The following WDR87 variants were observed in gnomAD, a reference collection of about 807,000 sequenced individuals.
WDR87 encodes the protein WD repeat-containing protein 87.
A neutral mutation model predicts 83.3 loss-of-function variants in WDR87; 56 were observed. That is an observed-to-expected ratio of 0.67 (90% CI 0.54 to 0.84). WDR87 has a LOEUF of 0.84. WDR87 is among the 40% of genes least tolerant of loss of function. WDR87 has a pLI of 0.00. For synonymous variants in WDR87, 1,173 were observed against 1,250.6 expected, an observed-to-expected ratio of 0.94 and a Z score of 1.31; for missense variants, 2,939 against 3,431.9, an observed-to-expected ratio of 0.86 and a Z score of 3.59.
chr19:37,892,624 A>G lies in WDR87; in HGVS notation c.3079T>C (p.Ser1027Pro). The change falls in exon 4 of 6, where the codon TCA becomes CCA. Residue 1027 changes from serine to proline, a missense_variant. Around this residue, in one of 3 missense-constraint regions of WDR87, gnomAD observed 2,160 missense variants for 2,533.1 expected, o/e 0.85. Coordinates refer to ENST00000447313, the MANE Select transcript of WDR87 (RefSeq NM_001291088.2). ...TGTTTTTGGGTCAGCTGTAAGAGTG[A>G]GGTCCTAGAGTGGATTCCAATCTCA... ...MAEIGIHSRT[S>P]LLQLTQKQET... 6.5e-7 allele frequency: 1 copy of G among 1,527,934 alleles called. No individual in the cohort carries two copies. The highest frequency in any genetic ancestry group is 1.2e-5 in the South Asian group (1 of 82,354). 94.6% of individuals were successfully genotyped at this position (1,527,934 alleles called of 1,614,324 possible).
In WDR87 at chr19:37,887,713, C is replaced by T; in HGVS notation, c.5958G>A (p.Lys1986=). ...TATCCAACTCTCCTCTGAGCCGTTT[C>T]TTTCCTTGGACCATTGCCTTCTCCA... ...LALEKAMVQG[K]KRLRGELDIA... is the part of the protein sequence containing the mutation. The change falls in exon 6 of 6, where the codon AAG becomes AAA. Residue 1986 remains lysine, a synonymous_variant. Coordinates refer to ENST00000447313, the MANE Select transcript of WDR87 (RefSeq NM_001291088.2). 6.4e-7 allele frequency: 1 copy of T among 1,551,302 alleles called. No homozygotes were observed. The highest frequency in any genetic ancestry group is 2.4e-5 in the East Asian group (1 of 40,872).
chr19:37,888,297 C>G lies in WDR87; in HGVS notation c.5374G>C (p.Glu1792Gln), dbSNP rs774526312. The change falls in exon 6 of 6, where the codon GAG (glutamate) becomes CAG (glutamine). Residue 1792 changes from glutamate to glutamine, a missense_variant. Coordinates refer to ENST00000447313, the MANE Select transcript of WDR87 (RefSeq NM_001291088.2). ...TCCCTTTGCCAGGCCAATGCCTCCT[C>G]TTCCTCAGCCAGTTTCTTCTTTTCC... ...VEEKKKLAEEEEALAWQREKL... is the reference protein window; with the variant it reads ...VEEKKKLAEEQEALAWQREKL... 1.9e-6 allele frequency: 3 copies of G among 1,551,572 alleles called. No individual in the cohort carries two copies. In the African/African-American group the frequency reaches 4.1e-5, roughly 21 times the overall value.
In WDR87 at chr19:37,885,759, G is replaced by C; in HGVS notation, c.7912C>G (p.Leu2638Val). 6.4e-7 allele frequency: 1 copy of C among 1,551,676 alleles called. No homozygotes were observed. Among genetic ancestry groups the C allele is most frequent in the African/African-American group, 1.4e-5 (1 of 73,128 alleles). ...SSRQSMSPKY[L>V]KVIPPIKAKE... ...GCTTTTATAGGAGGAATCACTTTCA[G>C]GTATTTTGGACTCATGGACTGTCTA... The change falls in exon 6 of 6, where the codon CTG (leucine) becomes GTG (valine). Residue 2638 changes from leucine to valine, a missense_variant. By Grantham distance (32) the Leu-to-Val change is conservative (BLOSUM62 1). Transcript: ENST00000447313.
chr19:37,906,202 G>A (rs1379976098), intron 1 of WDR87, among the ~76,000 whole-genome samples: 1 of 152,122 alleles, frequency 6.6e-6, no homozygotes, highest in Admixed American at 6.5e-5. Context: ...GTGTGTTGCG[G>A]GGTATTCCGC....
intron 1 of WDR87, among the ~76,000 whole-genome samples, chr19:37,903,086 C>T (rs2145445767): frequency 6.6e-6 from 1 of 152,258 alleles, no homozygotes; most frequent in Middle Eastern, 3.4e-3. Context: ...GACCTGGCCA[C>T]CCAAAAGGAA....
In WDR87 at chr19:37,885,639, A is replaced by G; in HGVS notation, c.8032T>C (p.Trp2678Arg). ...KRIPDPRAKNWHLLGEPYRSE... is the reference protein window; with the variant it reads ...KRIPDPRAKNRHLLGEPYRSE... ...CTGTAAGGTTCTCCTAGAAGATGCC[A>G]ATTTTTAGCCCTTGGGTCTGGAATC... Residue 2678 changes from tryptophan to arginine, a missense_variant, in exon 6 of 6, where the codon TGG becomes CGG. Trp to Arg is a moderately radical substitution (Grantham distance 101). Transcript: ENST00000447313. The G allele has an allele frequency of 6.4e-7, 1 of 1,551,740 alleles. No individual in the cohort carries two copies. Among genetic ancestry groups the G allele is most frequent in the Non-Finnish European group, 8.7e-7 (1 of 1,147,002 alleles).
At chr19:37,902,700 A>T (rs1466048919) in intron 1 of WDR87, among the ~76,000 whole-genome samples, 1 of 152,182 alleles carries the variant, frequency 6.6e-6, no homozygotes, top group Middle Eastern at 3.2e-3. Flanking sequence ...AGTCCACTGT[A>T]AGGTACAGCA....
At chr19:37,902,289 A>T (rs753720331) in intron 1 of WDR87, among the ~76,000 whole-genome samples, 15 of 151,810 alleles carry the variant, frequency 9.9e-5, no homozygotes, top group Non-Finnish European at 1.9e-4. Flanking sequence ...ATCTTGGCTC[A>T]CTGCAACCCC....
chr19:37,906,092 G>A (rs182309919), intron 1 of WDR87, among the ~76,000 whole-genome samples: 3 of 152,308 alleles, frequency 2.0e-5, no homozygotes, highest in African/African-American at 7.2e-5. Flanking sequence ...GAGGCGGAAA[G>A]GGTATTGACT....
Position 37,890,290 on chromosome 19 carries a change from C to A in WDR87, c.3395-14G>T. 2.0e-6 allele frequency: 3 copies of A among 1,511,100 alleles called. No homozygotes were observed. The highest frequency in any genetic ancestry group is 2.7e-6 in the Non-Finnish European group (3 of 1,126,082). 93.6% of individuals were successfully genotyped at this position (1,511,100 alleles called of 1,614,324 possible). A position where few individuals can be genotyped will look rare whatever the true frequency, so the allele number is the denominator to read the frequency against. ...ACCATTTTTGGCCTGCAGTAAAAAT[C>A]GAGAGATGGAGGTAAGCAAAGTATG... is the stretch of plus-strand genomic sequence containing the variant. On this transcript the variant is annotated splice_polypyrimidine_tract_variant and intron_variant, in intron 5 of 5. Coordinates refer to ENST00000447313, the MANE Select transcript of WDR87 (RefSeq NM_001291088.2).
chr19:37,905,602 G>C (rs1375973029), intron 1 of WDR87, among the ~76,000 whole-genome samples: 1 of 150,066 alleles, frequency 6.7e-6, no homozygotes, highest in South Asian at 2.1e-4. Flanking sequence ...CTGCTTTGTC[G>C]CCCAAGCTGG....
chr19:37,887,642 G>A lies in WDR87; in HGVS notation c.6029C>T (p.Ala2010Val), dbSNP rs776376273. 1.5e-5 allele frequency: 23 copies of A among 1,551,950 alleles called. No individual in the cohort carries two copies. Among genetic ancestry groups the A allele is most frequent in the Non-Finnish European group, 1.9e-5 (22 of 1,147,080 alleles). Reference protein sequence around the residue: ...KALNLEMKRLAEEKMRLVEGK... With the variant: ...KALNLEMKRLVEEKMRLVEGK... ...CTCAACCAGTCTCATCTTCTCCTCA[G>A]CCAGTCTTTTCATTTCCAGGTTCAA... Residue 2010 changes from alanine (A) to valine (V), a missense_variant, in exon 6 of 6, where the codon GCT (alanine) becomes GTT (valine). Physicochemically the swap from Ala to Val is moderately conservative, Grantham distance 64. This residue lies in a region of WDR87 where 2,160 missense variants were observed against 2,533.1 expected (regional missense o/e 0.85). Coordinates refer to ENST00000447313, the MANE Select transcript of WDR87 (RefSeq NM_001291088.2).
chr19:37,886,760 T>C lies in WDR87; in HGVS notation c.6911A>G (p.Glu2304Gly). ...CTCCTCCTCCTTCCTTTCCTCCTCC[T>C]CCTCCCTTTCCTCCTCCTCCTCCCT... The part of the protein sequence containing the change: ...EEREEEEERE[E>G]EEERKEEEEG... The change falls in exon 6 of 6, where the codon GAG becomes GGG. Residue 2304 changes from glutamate (E) to glycine (G), a missense_variant. Around this residue, in one of 3 missense-constraint regions of WDR87, gnomAD observed 2,160 missense variants for 2,533.1 expected, o/e 0.85. Transcript: ENST00000447313. 7.5e-7 allele frequency: 1 copy of C among 1,332,296 alleles called. No individual in the cohort carries two copies. The highest frequency in any genetic ancestry group is 1.0e-6 in the Non-Finnish European group (1 of 976,776). 82.5% of individuals were successfully genotyped at this position (1,332,296 alleles called of 1,614,324 possible). A position where few individuals can be genotyped will look rare whatever the true frequency, so the allele number is the denominator to read the frequency against.
In WDR87 at chr19:37,885,387, A is replaced by G. The variant is rs757306523; in HGVS notation, c.8284T>C (p.Leu2762=). 24 of 1,551,514 alleles carry G rather than the reference A, an allele frequency of 1.5e-5. 1 individual carries two copies. The South Asian group carries it at 2.9e-4, about 18-fold the overall frequency. ...TQPISKKKEE[L]PLWETFVALY... is the part of the protein sequence containing the mutation. Reference sequence around the variant, plus strand: ...GCCACAAATGTCTCCCACAAAGGCAACTCTTCCTTTTTTTTAGAAATGGGC... The same window carrying G: ...GCCACAAATGTCTCCCACAAAGGCAGCTCTTCCTTTTTTTTAGAAATGGGC... The change falls in exon 6 of 6, where the codon TTG becomes CTG. Residue 2762 remains leucine (L), a synonymous_variant. Coordinates refer to ENST00000447313, the MANE Select transcript of WDR87 (RefSeq NM_001291088.2).
Position 37,895,086 on chromosome 19 carries a change from G to C in WDR87, c.617C>G (p.Pro206Arg). The C allele has an allele frequency of 1.9e-6, 3 of 1,551,680 alleles. No homozygotes were observed. Among genetic ancestry groups the C allele is most frequent in the Non-Finnish European group, 2.6e-6 (3 of 1,146,980 alleles). Residue 206 changes from proline to arginine, a missense_variant, in exon 4 of 6, where the codon CCC (proline) becomes CGC (arginine). By Grantham distance (103) the Pro-to-Arg change is moderately radical (BLOSUM62 -2). This residue lies in a region of WDR87 where 226 missense variants were observed against 320.9 expected (regional missense o/e 0.70). Transcript: ENST00000447313. ...ELVQDIVLNG[P>R]SGSLLALCET... is the part of the protein sequence containing the mutation. ...ACACAGGGCCAGGAGGGAGCCACTG[G>C]GACCATTCAGCACGATGTCCTGGAC...
rs2046128414 is a variant in WDR87 at position 37,884,882 on chromosome 19, G to T, written c.*50C>A. The stretch of plus-strand genomic sequence containing the variant: ...TGAAGGTCTAGATCCTGGTAATTAG[G>T]CCTTTCTCCAGTTGGCAATGAAAAG... On this transcript the variant is annotated 3_prime_UTR_variant, in exon 6 of 6. Transcript: ENST00000447313. 1.5e-5 allele frequency: 19 copies of T among 1,255,782 alleles called. No homozygotes were observed. The highest frequency in any genetic ancestry group is 1.9e-5 in the Non-Finnish European group (19 of 987,814). The allele number at this position is 1,255,782 out of a possible 1,614,324, so 77.8% of individuals were successfully genotyped here.
At chr19:37,905,503 A>G (rs747130716) in intron 1 of WDR87, among the ~76,000 whole-genome samples, 5 of 151,938 alleles carry the variant, frequency 3.3e-5, no homozygotes, top group Non-Finnish European at 5.9e-5. Context: ...TTACCTGTTT[A>G]TGTCAAAATT....
In WDR87 at chr19:37,894,474, T is replaced by A; in HGVS notation, c.1229A>T (p.Asp410Val). 6.4e-7 allele frequency: 1 copy of A among 1,551,690 alleles called. No individual in the cohort carries two copies. The highest frequency in any genetic ancestry group is 8.7e-7 in the Non-Finnish European group (1 of 1,146,992). The change falls in exon 4 of 6, where the codon GAC (aspartate) becomes GTC (valine). Residue 410 changes from aspartate to valine, a missense_variant. This residue lies in a region of WDR87 where 553 missense variants were observed against 577.9 expected (regional missense o/e 0.96). Coordinates refer to ENST00000447313, the MANE Select transcript of WDR87 (RefSeq NM_001291088.2). Reference protein sequence around the residue: ...LVITWPFSILDQAVDWAYDPG... With the variant: ...LVITWPFSILVQAVDWAYDPG... ...GTCGTAGGCCCAATCCACAGCCTGG[T>A]CCAGGATTGAGAAGGGCCAGGTGAT...
intron 1 of WDR87, among the ~76,000 whole-genome samples, chr19:37,905,461 A>AAGT (rs66976158): frequency 9.2e-5 from 14 of 151,494 alleles, no homozygotes; most frequent in South Asian, 4.2e-4. Context: ...AAGAAAAAAA[A>AAGT]AAGTAAATAA....
Sources: allele counts gnomAD v4.1 joint callset (sites outside exome capture counted in the v4.1 genomes callset), GRCh38; gene constraint gnomAD v4.1.1; regional missense constraint gnomAD v4.1.1; transcripts MANE v1.5; gene names NCBI Gene and HGNC (gene_info 2026-07-23, HGNC 2026-07-21).